SPATA16: variants seen among roughly 807,000 people sequenced by gnomAD.
SPATA16 encodes spermatogenesis-associated protein 16.
Under a neutral mutation model 63.3 loss-of-function variants are expected in SPATA16, and 36 were observed. The ratio of observed to expected loss-of-function variants is 0.57; its 90% CI spans 0.44 to 0.75. The LOEUF is 0.75. Ranked by LOEUF, SPATA16 falls within the 30% of genes least tolerant of loss-of-function variation. SPATA16 has a pLI of 0.00. For missense variants in SPATA16, 646 were observed against 679.3 expected, an observed-to-expected ratio of 0.95 and a Z score of 0.54; for synonymous variants, 203 against 216.7, an observed-to-expected ratio of 0.94 and a Z score of 0.56.
At chr3:172,918,614 T>A (rs886859710) in intron 8 of SPATA16, among the ~76,000 whole-genome samples, 1 of 152,078 alleles carries the variant, frequency 6.6e-6, no homozygotes, top group African/African-American at 2.4e-5. Context: ...CAGAAATGTT[T>A]TAATGCTGTT....
rs539681080 is a variant in SPATA16, at chr3:173,093,503, C to G, written c.612+23617G>C. On this transcript the variant is annotated intron_variant, in intron 2 of 10. Transcript: ENST00000351008. ...ATATCCCCAGAGTTTAACCCAATGC[C>G]TGGCACAGAAGAGGCACACAATAAA... Among the ~76,000 whole-genome samples, 24 of 152,110 alleles carry G rather than the reference C, an allele frequency of 1.6e-4. No individual in the cohort carries two copies. In the South Asian group the frequency reaches 2.5e-3, roughly 16 times the overall value.
chr3:173,025,375 G>A (rs1735429047), intron 3 of SPATA16, among the ~76,000 whole-genome samples: 1 of 151,634 alleles, frequency 6.6e-6, no homozygotes, highest in South Asian at 2.1e-4. Context: ...TGTTTTTAAA[G>A]GCAATATTCT....
At chr3:173,091,012 A>C (rs1485225859) in intron 2 of SPATA16, among the ~76,000 whole-genome samples, 1 of 152,100 alleles carries the variant, frequency 6.6e-6, no homozygotes, top group Non-Finnish European at 1.5e-5. Flanking sequence ...GTGGGAGGAC[A>C]TTGACAACTC....
intron 5 of SPATA16, among the ~76,000 whole-genome samples, chr3:172,965,875 C>A (rs1416412586): frequency 6.6e-6 from 1 of 152,138 alleles, no homozygotes; most frequent in Non-Finnish European, 1.5e-5. Context: ...TGCGCCCGGC[C>A]TTTTCTTTAT....
At chr3:172,922,368 AT>A (rs1732631675) in intron 8 of SPATA16, among the ~76,000 whole-genome samples, 1 of 152,238 alleles carries the variant, frequency 6.6e-6, no homozygotes, top group African/African-American at 2.4e-5. Context: ...AGACTGAGTT[AT>A]TAATTAGATG....
intron 2 of SPATA16, among the ~76,000 whole-genome samples, chr3:173,071,666 A>G (rs1427057997): frequency 6.6e-6 from 1 of 152,240 alleles, no homozygotes; most frequent in African/African-American, 2.4e-5. Context: ...GACATATTTC[A>G]AAAGAAGACA....
intron 4 of SPATA16, among the ~76,000 whole-genome samples, chr3:172,981,916 A>G (rs75807148): frequency 0.029 from 4,395 of 152,286 alleles, 113 homozygotes; most frequent in South Asian, 0.083. Context: ...TTGTGCAACA[A>G]TGGCAGAGGT....
intron 10 of SPATA16, among the ~76,000 whole-genome samples, chr3:172,891,784 C>CAT (rs1445100469): frequency 6.6e-6 from 1 of 152,194 alleles, no homozygotes; most frequent in Non-Finnish European, 1.5e-5. Flanking sequence ...AGAACACTTA[C>CAT]ATATCCTCTA....
chr3:173,108,429 G>A (rs1213417040), intron 2 of SPATA16, among the ~76,000 whole-genome samples: 1 of 152,038 alleles, frequency 6.6e-6, no homozygotes, highest in Non-Finnish European at 1.5e-5. Flanking sequence ...AAAACCTATT[G>A]TGATTTTAAA....
At chr3:172,910,752 G>C (rs1732355118) in intron 10 of SPATA16, among the ~76,000 whole-genome samples, 1 of 152,094 alleles carries the variant, frequency 6.6e-6, no homozygotes, top group South Asian at 2.1e-4. Context: ...GCTCCTCAAG[G>C]CCCTCTTCTC....
chr3:173,097,628 C>T (rs1737390347), intron 2 of SPATA16, among the ~76,000 whole-genome samples: 1 of 152,104 alleles, frequency 6.6e-6, no homozygotes, highest in Non-Finnish European at 1.5e-5. Context: ...CAAGCATTGA[C>T]AAAGACTTTA....
intron 2 of SPATA16, among the ~76,000 whole-genome samples, chr3:173,075,596 A>C (rs1736782611): frequency 6.6e-6 from 1 of 152,258 alleles, no homozygotes; most frequent in African/African-American, 2.4e-5. Context: ...TTCAGCCATA[A>C]AAAATGAAAT....
chr3:172,971,836 A>G (rs978512495), intron 5 of SPATA16, among the ~76,000 whole-genome samples: 1 of 152,144 alleles, frequency 6.6e-6, no homozygotes, highest in African/African-American at 2.4e-5. Context: ...GAAGCAGTAA[A>G]TGCCTCCTGG....
At chr3:173,140,319 A>G (rs1738675056) in intron 1 of SPATA16, among the ~76,000 whole-genome samples, 1 of 152,258 alleles carries the variant, frequency 6.6e-6, no homozygotes, top group Non-Finnish European at 1.5e-5. Flanking sequence ...CTTCAAAAAC[A>G]GAGAACTTTA....
At chr3:173,055,393 T>A (rs1315580080) in intron 2 of SPATA16, among the ~76,000 whole-genome samples, 1 of 152,202 alleles carries the variant, frequency 6.6e-6, no homozygotes, top group Non-Finnish European at 1.5e-5. Flanking sequence ...CTTCAATGGA[T>A]GAATGATTAA....
chr3:173,004,718 G>A (rs1392313997), intron 4 of SPATA16, among the ~76,000 whole-genome samples: 6 of 152,046 alleles, frequency 3.9e-5, no homozygotes, highest in Non-Finnish European at 8.8e-5. Flanking sequence ...CAAAAACAAC[G>A]ACAATAGCTC....
chr3:172,951,246 A>G (rs935615558), intron 6 of SPATA16, among the ~76,000 whole-genome samples: 3 of 152,184 alleles, frequency 2.0e-5, no homozygotes, highest in Non-Finnish European at 4.4e-5. Flanking sequence ...CAGCTCTATT[A>G]TAATACGACT....
chr3:173,016,798 G>T (rs530668711), intron 4 of SPATA16, among the ~76,000 whole-genome samples: 3 of 152,108 alleles, frequency 2.0e-5, no homozygotes, highest in Admixed American at 2.0e-4. Context: ...GGAATCACCC[G>T]AGGTCAGGAG....
At chr3:172,915,468 GAATTC>G (rs1465852948) in intron 9 of SPATA16, among the ~76,000 whole-genome samples, 1 of 151,986 alleles carries the variant, frequency 6.6e-6, no homozygotes, top group Non-Finnish European at 1.5e-5. Context: ...ATTACTATGT[GAATTC>G]AATTCAGGGC....
Sources: allele counts gnomAD v4.1 joint callset (sites outside exome capture counted in the v4.1 genomes callset), GRCh38; gene constraint gnomAD v4.1.1; transcripts MANE v1.5; gene names NCBI Gene and HGNC (gene_info 2026-07-23, HGNC 2026-07-21).